Variants in NTM observed in about 807,000 individuals in gnomAD.
The protein encoded by NTM is neurotrimin.
A neutral mutation model predicts 42.1 loss-of-function variants in NTM; 13 were observed. The ratio of observed to expected loss-of-function variants is 0.31; its 90% confidence interval spans 0.20 to 0.49. The LOEUF is 0.49. Ranked by LOEUF, NTM falls within the 20% of genes least tolerant of loss-of-function variation. The pLI, the probability that NTM is intolerant of heterozygous loss-of-function variation, is 0.99. For synonymous variants in NTM, 187 were observed against 179.2 expected (o/e 1.04, Z -0.35); for missense variants, 373 against 452.8 (o/e 0.82, Z 1.60).
chr11:131,638,563 CAAAAAAAAAAA>C (rs58374119), intron 1 of NTM, among the ~76,000 whole-genome samples: 7 of 53,330 alleles, frequency 1.3e-4, no homozygotes, highest in African/African-American at 3.3e-4. Flanking sequence ...GAGACTCCTT[CAAAAAAAAAAA>C]AAAAAAAAAA....
At chr11:131,624,831 A>G (rs2062943775) in intron 1 of NTM, among the ~76,000 whole-genome samples, 1 of 152,196 alleles carries the variant, frequency 6.6e-6, no homozygotes, top group South Asian at 2.1e-4. Context: ...TATGTCTCAC[A>G]TGCCTACCGC....
chr11:131,481,016 A>G (rs1432395089), intron 1 of NTM, among the ~76,000 whole-genome samples: 4 of 152,162 alleles, frequency 2.6e-5, no homozygotes, highest in Non-Finnish European at 1.5e-5. Flanking sequence ...GGAGGGTGGT[A>G]GAAGTGTATT....
At chr11:132,301,014 TCA>T (rs1199662226) in intron 4 of NTM, among the ~76,000 whole-genome samples, 6 of 152,154 alleles carry the variant, frequency 3.9e-5, no homozygotes, top group African/African-American at 1.4e-4. Context: ...ACACCAGAAC[TCA>T]CAGTGGCACC....
intron 1 of NTM, among the ~76,000 whole-genome samples, chr11:131,506,227 C>T (rs559917253): frequency 2.0e-5 from 3 of 152,254 alleles, no homozygotes; most frequent in South Asian, 4.2e-4. Context: ...AGGCCCTTTC[C>T]GTACCTCATT....
chr11:131,589,568 C>T (rs938739371), intron 1 of NTM, among the ~76,000 whole-genome samples: 2 of 152,232 alleles, frequency 1.3e-5, no homozygotes, highest in Non-Finnish European at 2.9e-5. Context: ...TTTCTCCCCT[C>T]TGGCTTATTT....
chr11:131,580,423 C>A (rs539573303), intron 1 of NTM, among the ~76,000 whole-genome samples: 8 of 152,136 alleles, frequency 5.3e-5, no homozygotes, highest in Non-Finnish European at 1.0e-4. Flanking sequence ...ACCTGCCACA[C>A]CTGCCCTCTG....
At chr11:131,891,960 C>A (rs556770966) in intron 1 of NTM, among the ~76,000 whole-genome samples, 8 of 152,330 alleles carry the variant, frequency 5.3e-5, no homozygotes, top group Admixed American at 2.0e-4. Flanking sequence ...AAATGAGCCA[C>A]AGCCTAGGGA....
intron 1 of NTM, among the ~76,000 whole-genome samples, chr11:131,651,651 C>T (rs991487496): frequency 7.2e-5 from 11 of 152,040 alleles, no homozygotes; most frequent in African/African-American, 1.5e-4. Context: ...ACCATCCTGG[C>T]GAACATGGTG....
chr11:131,372,376 T>G (rs1430329560), intron 1 of NTM, among the ~76,000 whole-genome samples: 1 of 152,004 alleles, frequency 6.6e-6, no homozygotes, highest in Non-Finnish European at 1.5e-5. Context: ...TGGTGGGTGT[T>G]TGAGTGAAGG....
At chr11:131,812,178 G>A (rs1021663948) in intron 1 of NTM, among the ~76,000 whole-genome samples, 1 of 132,238 alleles carries the variant, frequency 7.6e-6, no homozygotes, top group African/African-American at 3.4e-5. Context: ...AAGATAATTA[G>A]TCAGCCTCTC....
At chr11:131,466,429 CCTGAT>C (rs1267590844) in intron 1 of NTM, among the ~76,000 whole-genome samples, 3 of 152,164 alleles carry the variant, frequency 2.0e-5, no homozygotes, top group African/African-American at 7.2e-5. Flanking sequence ...ATTTAAGTAA[CCTGAT>C]CTAAGATGCA....
At chr11:132,029,650 A>C (rs1452827051) in intron 2 of NTM, among the ~76,000 whole-genome samples, 1 of 152,160 alleles carries the variant, frequency 6.6e-6, no homozygotes, top group Admixed American at 6.5e-5. Flanking sequence ...ATAGTCCATC[A>C]GTCAAAAAAT....
Position 132,009,279 on chromosome 11 carries a change from C to T in NTM, c.167+97631C>T, listed in dbSNP as rs79749000. Among the ~76,000 whole-genome samples the T allele has an allele frequency of 6.4e-3, 981 of 152,260 alleles. 12 individuals are homozygous for T. The highest frequency in any genetic ancestry group is 0.022 in the African/African-American group (927 of 41,536). ...CACCCAGGGAAGTGTCCTAATTTTC[C>T]CTGACTTTTACTGACCTACTCCTCA... is the stretch of plus-strand genomic sequence containing the variant. On this transcript the variant is annotated intron_variant, in intron 2 of 8. Coordinates refer to ENST00000683400, the MANE Select transcript of NTM (RefSeq NM_001352005.2).
At chr11:132,255,558 T>C (rs2092402653) in intron 4 of NTM, among the ~76,000 whole-genome samples, 1 of 152,186 alleles carries the variant, frequency 6.6e-6, no homozygotes, top group Non-Finnish European at 1.5e-5. Flanking sequence ...CAATTCACCT[T>C]TCAGAATGAA....
intron 4 of NTM, among the ~76,000 whole-genome samples, chr11:132,246,875 C>T (rs1433953191): frequency 6.6e-6 from 1 of 152,212 alleles, no homozygotes; most frequent in Non-Finnish European, 1.5e-5. Flanking sequence ...AGGCAAGAGC[C>T]CGGCCACCCT....
intron 2 of NTM, among the ~76,000 whole-genome samples, chr11:132,023,096 A>G (rs1326986047): frequency 6.6e-6 from 1 of 152,146 alleles, no homozygotes; most frequent in African/African-American, 2.4e-5. Context: ...CAGAGGGGAA[A>G]ATTTTACTTT....
At chr11:131,905,210 G>A (rs918109491) in intron 1 of NTM, among the ~76,000 whole-genome samples, 1 of 152,194 alleles carries the variant, frequency 6.6e-6, no homozygotes, top group Admixed American at 6.5e-5. Flanking sequence ...ATTAGGGCAT[G>A]TCCCCAAGGT....
At chr11:132,046,821 TCTAA>T (rs767199599) in intron 2 of NTM, among the ~76,000 whole-genome samples, 53 of 152,332 alleles carry the variant, frequency 3.5e-4, no homozygotes, top group Admixed American at 1.4e-3. Flanking sequence ...TGTCTATCTA[TCTAA>T]CTATCTATCT....
intron 2 of NTM, among the ~76,000 whole-genome samples, chr11:132,034,381 G>A (rs2076267175): frequency 6.6e-6 from 1 of 152,214 alleles, no homozygotes; most frequent in South Asian, 2.1e-4. Context: ...GGGGTGTCCT[G>A]AACTTCAGTG....
Sources: gnomAD v4.1 joint callset for allele counts (sites outside exome capture counted in the v4.1 genomes callset) on GRCh38, gnomAD v4.1.1 for gene constraint, MANE v1.5 for transcripts, NCBI Gene and HGNC (gene_info 2026-07-23, HGNC 2026-07-21) for gene names.